Variants in EFR3A observed in about 807,000 individuals in gnomAD.
EFR3A encodes EFR3 homolog A, also known as protein EFR3 homolog A.
EFR3A carries 76 observed loss-of-function variants against 104.4 expected under a neutral mutation model. That is an observed-to-expected ratio of 0.73 (90% CI 0.60 to 0.88). The LOEUF (loss-of-function observed/expected upper bound fraction) is 0.88. Among genes scored for constraint, EFR3A ranks in the 40% least tolerant of loss-of-function variants. EFR3A has a pLI of 0.00. For missense variants in EFR3A, 985 were observed against 1,012.5 expected (o/e 0.97, Z 0.37); for synonymous variants, 330 against 330.0 (o/e 1.00, Z 0.00).
intron 22 of EFR3A, among the ~76,000 whole-genome samples, chr8:132,004,006 T>G (rs1821913818): frequency 6.6e-6 from 1 of 152,204 alleles, no homozygotes; most frequent in Non-Finnish European, 1.5e-5. Context: ...ATTAATTAAG[T>G]CTGTTTTTCT....
At chr8:131,933,220 T>G (rs980104545) in intron 1 of EFR3A, among the ~76,000 whole-genome samples, 2 of 152,174 alleles carry the variant, frequency 1.3e-5, no homozygotes, top group African/African-American at 4.8e-5. Flanking sequence ...CTCTGTAGAT[T>G]GGGACACCGG....
Position 131,940,715 on chromosome 8 carries a change from C to CT in EFR3A, c.87+148dup, listed in dbSNP as rs1208984364. 82 of 1,322,380 alleles carry CT rather than the reference C, an allele frequency of 6.2e-5. 1 individual carries two copies. The highest frequency in any genetic ancestry group is 7.6e-5 in the South Asian group (4 of 52,354). 81.9% of individuals were successfully genotyped at this position (1,322,380 alleles called of 1,614,324 possible). On this transcript the variant is annotated intron_variant, in intron 2 of 22. Transcript: ENST00000254624. ...TTTATACTACTTTTTTTATACTTTT[C>CT]TTTTTTTTACTCTTAAATGACCCAT...
In EFR3A at chr8:132,013,409, G is replaced by A. The variant is rs111972319; in HGVS notation, c.*2514G>A. 1,508 of 152,548 alleles carry A rather than the reference G, an allele frequency of 9.9e-3. 16 individuals are homozygous for A. Among genetic ancestry groups the A allele is most frequent in the Non-Finnish European group, 0.016 (1,062 of 68,006 alleles). The allele number at this position is 152,548 out of a possible 1,614,324, so 9.4% of individuals were successfully genotyped here. A position where few individuals can be genotyped will look rare whatever the true frequency, so the allele number is the denominator to read the frequency against. On this transcript the variant is annotated 3_prime_UTR_variant, in exon 23 of 23. Transcript: ENST00000254624. ...ATAATAATACTACTACACTTTACCAGCAATTAACTTCTCCCTACCCAAAAT... is the reference window on the plus strand; with the variant it reads ...ATAATAATACTACTACACTTTACCAACAATTAACTTCTCCCTACCCAAAAT...
intron 2 of EFR3A, among the ~76,000 whole-genome samples, chr8:131,941,686 T>C (rs191508519): frequency 3.7e-4 from 56 of 152,226 alleles, no homozygotes; most frequent in Non-Finnish European, 7.4e-5. Context: ...GGAAAGTTTT[T>C]GCCTCTAAAG....
At chr8:131,966,213 A>C (rs1819721501) in intron 8 of EFR3A, among the ~76,000 whole-genome samples, 1 of 151,872 alleles carries the variant, frequency 6.6e-6, no homozygotes. Context: ...AGTTTAATAA[A>C]AAAATAAATA....
At chr8:131,975,771 CTG>C (rs754764118) in intron 10 of EFR3A, among the ~76,000 whole-genome samples, 4 of 152,044 alleles carry the variant, frequency 2.6e-5, no homozygotes, top group Non-Finnish European at 2.9e-5. Flanking sequence ...CGGTTTGTCA[CTG>C]TTATAATTAT....
chr8:131,956,016 G>C, intron 7 of EFR3A, 111 bp downstream of exon 7: 4 of 1,253,928 alleles, frequency 3.2e-6, no homozygotes, highest in Non-Finnish European at 3.4e-6. Flanking sequence ...GTTATTAATG[G>C]AACCAGTGTA....
At position 132,001,811 on chromosome 8, in the gene EFR3A, A is replaced by T. The variant is rs760923590; in HGVS notation, c.2206+4A>T. 1 of 1,612,712 alleles carries T rather than the reference A, an allele frequency of 6.2e-7. No individual in the cohort carries two copies. On this transcript the variant is annotated splice_donor_region_variant and intron_variant, in intron 20 of 22. Coordinates refer to ENST00000254624, the MANE Select transcript of EFR3A (RefSeq NM_015137.6). The stretch of plus-strand genomic sequence containing the variant: ...GAAGCATTGAAGAAAGCAATTGGTG[A>T]GATATTTTGCACTTGTTAGTACTAC...
chr8:131,935,486 G>A lies in EFR3A; in HGVS notation c.11-5013G>A, dbSNP rs151090257. Reference sequence around the variant, plus strand: ...CATGAAGGACCAAAATCCAGTAATCGTAGGCACTGTCATTTAAAAGTATGA... The same window carrying A: ...CATGAAGGACCAAAATCCAGTAATCATAGGCACTGTCATTTAAAAGTATGA... On this transcript the variant is annotated intron_variant, in intron 1 of 22. Transcript: ENST00000254624. The A allele has an allele frequency of 1.2e-3, 534 of 448,400 alleles. 3 individuals are homozygous for A. The highest frequency in any genetic ancestry group is 1.3e-3 in the Non-Finnish European group (283 of 223,480). The allele number at this position is 448,400 out of a possible 1,614,324, so 27.8% of individuals were successfully genotyped here.
At chr8:131,918,983 C>T (rs1338593882) in intron 1 of EFR3A, among the ~76,000 whole-genome samples, 4 of 152,100 alleles carry the variant, frequency 2.6e-5, no homozygotes, top group Non-Finnish European at 5.9e-5. Flanking sequence ...GTGATAGATT[C>T]TTTATGCTCA....
At chr8:131,933,792 G>GA (rs1001683563) in intron 1 of EFR3A, among the ~76,000 whole-genome samples, 1 of 149,696 alleles carries the variant, frequency 6.7e-6, no homozygotes, top group Non-Finnish European at 1.5e-5. Context: ...GTTGCCTCAG[G>GA]AAAAAAAGGT....
In EFR3A at chr8:131,944,817, A is replaced by G; in HGVS notation, c.160A>G (p.Ile54Val). ...ATCTGCTCCAGAGAAACTGGATCGA[A>G]TTGGTTCTTACCTGGCAGAAAGGTT... Reference protein sequence around the residue: ...AVSAPEKLDRIGSYLAERLSR... With the variant: ...AVSAPEKLDRVGSYLAERLSR... The change falls in exon 3 of 23, where the codon ATT becomes GTT. Residue 54 changes from isoleucine (I) to valine (V), a missense_variant. Coordinates refer to ENST00000254624, the MANE Select transcript of EFR3A (RefSeq NM_015137.6). The G allele has an allele frequency of 6.2e-7, 1 of 1,610,512 alleles. No individual in the cohort carries two copies. Among genetic ancestry groups the G allele is most frequent in the Non-Finnish European group, 8.5e-7 (1 of 1,178,238 alleles).
intron 17 of EFR3A, among the ~76,000 whole-genome samples, chr8:131,986,639 G>T (rs1372068144): frequency 6.6e-6 from 1 of 151,904 alleles, no homozygotes; most frequent in Non-Finnish European, 1.5e-5. Context: ...ACTAAAATTA[G>T]CTGGGTATGG....
At chr8:131,975,125 A>T (rs1820256550) in intron 10 of EFR3A, among the ~76,000 whole-genome samples, 1 of 152,196 alleles carries the variant, frequency 6.6e-6, no homozygotes, top group Admixed American at 6.5e-5. Context: ...ATTCTCAGAA[A>T]CTAGACTGCA....
intron 1 of EFR3A, among the ~76,000 whole-genome samples, chr8:131,906,418 C>CGAG (rs1816269046): frequency 6.6e-6 from 1 of 152,130 alleles, no homozygotes; most frequent in African/African-American, 2.4e-5. Context: ...TTAATCCGTA[C>CGAG]GAGTTTTAAT....
At chr8:131,954,175 A>C (rs1169448295) in intron 6 of EFR3A, among the ~76,000 whole-genome samples, 1 of 152,086 alleles carries the variant, frequency 6.6e-6, no homozygotes, top group Non-Finnish European at 1.5e-5. Context: ...TTATTCATAC[A>C]CTTAAGCCTT....
chr8:131,931,252 G>A (rs1399148372), intron 1 of EFR3A, among the ~76,000 whole-genome samples: 6 of 152,118 alleles, frequency 3.9e-5, no homozygotes, highest in Admixed American at 2.6e-4. Flanking sequence ...AACATAGTTC[G>A]CTTTGATTGT....
chr8:131,936,540 CTCTCTG>C (rs1292462923), intron 1 of EFR3A, among the ~76,000 whole-genome samples: 10 of 151,948 alleles, frequency 6.6e-5, no homozygotes, highest in Non-Finnish European at 1.3e-4. Flanking sequence ...CTCTCTCTGT[CTCTCTG>C]TCTCTGTCTC....
At chr8:131,910,428 C>T (rs1353058068) in intron 1 of EFR3A, among the ~76,000 whole-genome samples, 1 of 152,112 alleles carries the variant, frequency 6.6e-6, no homozygotes, top group Non-Finnish European at 1.5e-5. Context: ...TGCGCCACCA[C>T]GCCTGGCTAA....
Sources: allele counts gnomAD v4.1 joint callset (sites outside exome capture counted in the v4.1 genomes callset), GRCh38; gene constraint gnomAD v4.1.1; transcripts MANE v1.5; gene names NCBI Gene and HGNC (gene_info 2026-07-23, HGNC 2026-07-21).